Variants in IFTAP observed in about 807,000 individuals in gnomAD.
IFTAP encodes intraflagellar transport associated protein, also known as intraflagellar transport-associated protein.
IFTAP carries 19 observed loss-of-function variants against 19.4 expected under a neutral mutation model. That is an observed-to-expected ratio of 0.98 (90% confidence interval 0.68 to 1.44). The LOEUF (loss-of-function observed/expected upper bound fraction) is 1.44. Ranked by LOEUF, IFTAP falls within the 40% of genes most tolerant of loss-of-function variation. The pLI is 0.00. For missense variants in IFTAP, 240 were observed against 253.6 expected, an observed-to-expected ratio of 0.95 and a Z score of 0.36; for synonymous variants, 85 against 83.5, an observed-to-expected ratio of 1.02 and a Z score of -0.10.
intron 4 of IFTAP, among the ~76,000 whole-genome samples, chr11:36,636,515 C>T (rs185175375): frequency 1.3e-5 from 2 of 152,134 alleles, no homozygotes; most frequent in Admixed American, 6.5e-5. Context: ...GAATTGATCA[C>T]AAAAATAAGG....
At chr11:36,639,832 T>C (rs1853125476) in intron 4 of IFTAP, among the ~76,000 whole-genome samples, 1 of 152,142 alleles carries the variant, frequency 6.6e-6, no homozygotes, top group South Asian at 2.1e-4. Flanking sequence ...ACCATAGCAA[T>C]GTCCAGTCAT....
chr11:36,618,592 AAGAAG>A (rs1436835677), intron 2 of IFTAP, among the ~76,000 whole-genome samples: 1 of 151,974 alleles, frequency 6.6e-6, no homozygotes, highest in Non-Finnish European at 1.5e-5. Context: ...GTGAAAAGAA[AAGAAG>A]AGAATACAGA....
chr11:36,644,404 C>A (rs906157894), intron 4 of IFTAP, among the ~76,000 whole-genome samples: 1 of 152,176 alleles, frequency 6.6e-6, no homozygotes, highest in Non-Finnish European at 1.5e-5. Flanking sequence ...GTTGGTGGGA[C>A]TGTAAACTAG....
intron 5 of IFTAP, among the ~76,000 whole-genome samples, chr11:36,650,319 T>C (rs1400716572): frequency 1.3e-5 from 2 of 152,102 alleles, no homozygotes; most frequent in Non-Finnish European, 2.9e-5. Flanking sequence ...CTATTAAGAT[T>C]CCATCAACTT....
chr11:36,655,662 G>A (rs1263266316), intron 5 of IFTAP, among the ~76,000 whole-genome samples: 4 of 152,260 alleles, frequency 2.6e-5, no homozygotes, highest in South Asian at 4.1e-4. Flanking sequence ...TGTCCTGAAT[G>A]TCATGTTTTG....
chr11:36,652,868 A>G (rs1230088499), intron 5 of IFTAP, among the ~76,000 whole-genome samples: 1 of 152,106 alleles, frequency 6.6e-6, no homozygotes, highest in Non-Finnish European at 1.5e-5. Flanking sequence ...TTATGTGTAT[A>G]GAATTACCTT....
At chr11:36,626,023 A>T (rs1186678406) in intron 2 of IFTAP, among the ~76,000 whole-genome samples, 1 of 149,504 alleles carries the variant, frequency 6.7e-6, no homozygotes, top group Non-Finnish European at 1.5e-5. Context: ...GTTAGAGGGC[A>T]TGGAGGTAGG....
At chr11:36,621,320 A>T (rs1053703912) in intron 2 of IFTAP, among the ~76,000 whole-genome samples, 1 of 152,056 alleles carries the variant, frequency 6.6e-6, no homozygotes. Context: ...ACCCAAAGGG[A>T]TACAAACAGG....
intron 4 of IFTAP, among the ~76,000 whole-genome samples, chr11:36,642,289 C>A (rs1051292160): frequency 6.6e-6 from 1 of 152,126 alleles, no homozygotes; most frequent in African/African-American, 2.4e-5. Context: ...CACATACACC[C>A]TTCCAAGACT....
At chr11:36,643,845 A>G (rs1284116526) in intron 4 of IFTAP, among the ~76,000 whole-genome samples, 1 of 152,236 alleles carries the variant, frequency 6.6e-6, no homozygotes, top group Middle Eastern at 3.2e-3. Flanking sequence ...ACAAAAATTA[A>G]TTCAAGATGG....
intron 2 of IFTAP, among the ~76,000 whole-genome samples, chr11:36,612,618 C>T (rs948809455): frequency 1.3e-5 from 2 of 152,088 alleles, no homozygotes; most frequent in Non-Finnish European, 2.9e-5. Flanking sequence ...TGTTGATACA[C>T]ACTGAGCCTT....
intron 1 of IFTAP, among the ~76,000 whole-genome samples, chr11:36,604,946 T>C (rs750268683): frequency 2.6e-5 from 4 of 151,466 alleles, no homozygotes; most frequent in Non-Finnish European, 5.9e-5. Context: ...TGCAAAATTG[T>C]TGTAGTTCAG....
At chr11:36,617,925 C>T (rs758278706) in intron 2 of IFTAP, among the ~76,000 whole-genome samples, 13 of 152,012 alleles carry the variant, frequency 8.6e-5, no homozygotes, top group Non-Finnish European at 1.3e-4. Context: ...TATTAAAAAA[C>T]AAGTCTAATA....
intron 2 of IFTAP, among the ~76,000 whole-genome samples, chr11:36,624,497 T>C (rs1852433337): frequency 1.3e-5 from 2 of 152,168 alleles, no homozygotes; most frequent in Non-Finnish European, 2.9e-5. Flanking sequence ...GACCCAGACA[T>C]GGAGGCCATG....
chr11:36,634,339 A>G (rs7942300), intron 3 of IFTAP, among the ~76,000 whole-genome samples: 52,886 of 151,886 alleles, frequency 0.35, 11,617 homozygotes, highest in East Asian at 0.63. Context: ...ATAGGAGTGG[A>G]GAGTATTCCT....
chr11:36,633,503 A>C, intron 3 of IFTAP, 65 bp downstream of exon 3: 10 of 1,295,234 alleles, frequency 7.7e-6, no homozygotes, highest in Non-Finnish European at 9.2e-6. Context: ...ATGAATCAAA[A>C]AAAAGAGACC....
chr11:36,618,849 G>A (rs1852193499), intron 2 of IFTAP, among the ~76,000 whole-genome samples: 1 of 152,028 alleles, frequency 6.6e-6, no homozygotes, highest in Admixed American at 6.6e-5. Flanking sequence ...AACATCTGGA[G>A]TCAGGGAGAC....
chr11:36,607,703 C>T (rs1016113190), intron 1 of IFTAP, among the ~76,000 whole-genome samples: 4 of 151,598 alleles, frequency 2.6e-5, no homozygotes, highest in African/African-American at 4.9e-5. Context: ...GACAGAGTTT[C>T]GCTCTTGTTG....
At chr11:36,604,187 A>C (rs1251216884) in intron 1 of IFTAP, among the ~76,000 whole-genome samples, 1 of 152,216 alleles carries the variant, frequency 6.6e-6, no homozygotes, top group Non-Finnish European at 1.5e-5. Flanking sequence ...TGTAGTCAAC[A>C]GTAATCCCCA....
Sources: allele counts gnomAD v4.1 joint callset (sites outside exome capture counted in the v4.1 genomes callset), GRCh38; gene constraint gnomAD v4.1.1; transcripts MANE v1.5; gene names NCBI Gene and HGNC (gene_info 2026-07-23, HGNC 2026-07-21).